The following CAMSAP1 variants were observed in gnomAD, a reference collection of about 807,000 sequenced individuals.
CAMSAP1 encodes the protein calmodulin-regulated spectrin-associated protein 1.
A neutral mutation model predicts 143.5 loss-of-function variants in CAMSAP1; 58 were observed. The ratio of observed to expected loss-of-function variants is 0.40; its 90% CI spans 0.33 to 0.50. CAMSAP1 has a LOEUF of 0.50. Among genes scored for constraint, CAMSAP1 ranks in the 20% least tolerant of loss-of-function variants. CAMSAP1 has a pLI of 0.45. For missense variants in CAMSAP1, 1,969 were observed against 2,115.7 expected, an observed-to-expected ratio of 0.93 and a Z score of 1.36; for synonymous variants, 945 against 859.3, an observed-to-expected ratio of 1.10 and a Z score of -1.74.
intron 7 of CAMSAP1, among the ~76,000 whole-genome samples, chr9:135,829,813 A>C (rs1474724491): frequency 6.6e-6 from 1 of 152,040 alleles, no homozygotes; most frequent in East Asian, 1.9e-4. Flanking sequence ...AGATTGTGCC[A>C]CTGCACTCCA....
At chr9:135,827,318 A>G (rs1835709463) in intron 8 of CAMSAP1, 89 bp downstream of exon 8, 1 of 1,282,182 alleles carries the variant, frequency 7.8e-7, no homozygotes, top group Non-Finnish European at 1.0e-6. Context: ...GCTTATTTTA[A>G]AAAAGGTAAC....
chr9:135,875,128 C>A (rs1193696842), intron 3 of CAMSAP1, among the ~76,000 whole-genome samples: 1 of 152,148 alleles, frequency 6.6e-6, no homozygotes, highest in African/African-American at 2.4e-5. Flanking sequence ...CAATCAAAAT[C>A]CCAGCAAGTA....
In CAMSAP1 at chr9:135,885,572, G is replaced by A. The variant is rs185161792; in HGVS notation, c.161-2494C>T. Among the ~76,000 whole-genome samples the A allele has an allele frequency of 6.2e-4, 94 of 152,320 alleles. No homozygotes were observed. The Middle Eastern group carries it at 0.024, about 39-fold the overall frequency. On this transcript the variant is annotated intron_variant, in intron 1 of 16. Transcript: ENST00000389532. The stretch of plus-strand genomic sequence containing the variant: ...GAATGGCAGAGCCTACCTCACAGAT[G>A]CAGAAACCTGGCCAGACAGGAAAAA...
Position 135,821,373 on chromosome 9 carries a change from G to A in CAMSAP1, c.3288C>T (p.Gly1096=), listed in dbSNP as rs1336191065. The change falls in exon 11 of 17, where the codon GGC becomes GGT. Residue 1096 remains glycine (G), a synonymous_variant. Coordinates refer to ENST00000389532, the MANE Select transcript of CAMSAP1 (RefSeq NM_015447.4). The surrounding 1 kb of genome is among the most constrained non-coding windows in gnomAD (Gnocchi z 4.6). ...GHRKAPRLGQ[G]RNSRSGRPAE... Reference sequence around the variant, plus strand: ...CCGGCCTTCCGGAACGGGAATTCCGGCCTTGACCCAGCCGGGGGGCTTTGC... The same window carrying A: ...CCGGCCTTCCGGAACGGGAATTCCGACCTTGACCCAGCCGGGGGGCTTTGC... The A allele has an allele frequency of 1.9e-6, 3 of 1,613,698 alleles. No homozygotes were observed. The highest frequency in any genetic ancestry group is 3.3e-5 in the Admixed American group (2 of 60,006).
chr9:135,814,925 C>T (rs537627082), intron 16 of CAMSAP1, among the ~76,000 whole-genome samples, 172 bp downstream of exon 16: 27 of 152,370 alleles, frequency 1.8e-4, no homozygotes, highest in African/African-American at 5.3e-4. Flanking sequence ...AGCCCCTGGA[C>T]CTTGGCACTC....
intron 3 of CAMSAP1, among the ~76,000 whole-genome samples, chr9:135,873,027 G>A (rs138649399): frequency 1.3e-5 from 2 of 152,276 alleles, no homozygotes; most frequent in African/African-American, 4.8e-5. Flanking sequence ...CCTTCAAACA[G>A]CAGAATATTC....
chr9:135,861,733 C>A (rs1039489398), intron 5 of CAMSAP1, among the ~76,000 whole-genome samples: 2 of 152,242 alleles, frequency 1.3e-5, no homozygotes, highest in African/African-American at 4.8e-5. Flanking sequence ...AAGTCTGACA[C>A]AAATGTTTCC....
intron 3 of CAMSAP1, among the ~76,000 whole-genome samples, chr9:135,866,898 G>A (rs1317861293): frequency 6.6e-6 from 1 of 152,130 alleles, no homozygotes; most frequent in Admixed American, 6.6e-5. Flanking sequence ...AAAACAATCT[G>A]GTGGAGACAC....
chr9:135,826,012 A>G lies in CAMSAP1; in HGVS notation c.1224-1132T>C, dbSNP rs1346791048. The G allele has an allele frequency of 6.6e-6, 1 of 152,484 alleles. No individual in the cohort carries two copies. Among genetic ancestry groups the G allele is most frequent in the African/African-American group, 2.4e-5 (1 of 41,586 alleles). The allele number at this position is 152,484 out of a possible 1,614,324, so 9.4% of individuals were successfully genotyped here. ...GTCAGGGCCACAATGCAAACCCTGC[A>G]GCCTGGACACCGTGGGGACAGTGGA... On this transcript the variant is annotated intron_variant, in intron 8 of 16. Coordinates refer to ENST00000389532, the MANE Select transcript of CAMSAP1 (RefSeq NM_015447.4). This position sits in a 1 kb window ranked among gnomAD's most constrained non-coding sequence, Gnocchi z 4.4.
intron 16 of CAMSAP1, among the ~76,000 whole-genome samples, chr9:135,812,515 G>T (rs920225675): frequency 3.3e-5 from 5 of 151,818 alleles, no homozygotes; most frequent in Non-Finnish European, 7.4e-5. Context: ...GGAAGACTTA[G>T]GGGGGTGACT....
chr9:135,825,736 A>G lies in CAMSAP1; in HGVS notation c.1224-856T>C, dbSNP rs560826177. 2.0e-4 allele frequency among the ~76,000 whole-genome samples: 30 copies of G among 152,128 alleles called. No homozygotes were observed. The South Asian group carries it at 5.8e-3, about 30-fold the overall frequency. On this transcript the variant is annotated intron_variant, in intron 8 of 16. Coordinates refer to ENST00000389532, the MANE Select transcript of CAMSAP1 (RefSeq NM_015447.4). ...ACTTTGGGGAGAATTTGGTAAAGGGATAATTCGCCAGGTGCAGACAGGCTG... is the reference window on the plus strand; with the variant it reads ...ACTTTGGGGAGAATTTGGTAAAGGGGTAATTCGCCAGGTGCAGACAGGCTG...
At position 135,862,387 on chromosome 9, in the gene CAMSAP1, A is replaced by C. The variant is rs1191828165; in HGVS notation, c.808+80T>G. The C allele has an allele frequency of 2.2e-6, 3 of 1,357,336 alleles. No homozygotes were observed. The East Asian group carries it at 7.6e-5, about 35-fold the overall frequency. The allele number at this position is 1,357,336 out of a possible 1,614,324, so 84.1% of individuals were successfully genotyped here. A position where few individuals can be genotyped will look rare whatever the true frequency, so the allele number is the denominator to read the frequency against. ...ATTTTCTTTCTCTTTTTTTTTTTTA[A>C]TATATATGTGGATCAATGTACACTA... On this transcript the variant is annotated intron_variant, in intron 5 of 16. Coordinates refer to ENST00000389532, the MANE Select transcript of CAMSAP1 (RefSeq NM_015447.4).
chr9:135,901,070 T>C (rs539540503), intron 1 of CAMSAP1, among the ~76,000 whole-genome samples: 10 of 152,240 alleles, frequency 6.6e-5, no homozygotes, highest in South Asian at 2.1e-4. Context: ...ATCTTTTCTG[T>C]AGTGACAACA....
chr9:135,886,194 G>C (rs905520482), intron 1 of CAMSAP1, among the ~76,000 whole-genome samples: 2 of 152,152 alleles, frequency 1.3e-5, no homozygotes, highest in Non-Finnish European at 2.9e-5. Flanking sequence ...ATGTGAGCCA[G>C]AAAATGTACA....
Position 135,819,058 on chromosome 9 carries a change from C to A in CAMSAP1, c.3911G>T (p.Arg1304Leu). 6.2e-7 allele frequency: 1 copy of A among 1,605,868 alleles called. No individual in the cohort carries two copies. Among genetic ancestry groups the A allele is most frequent in the Non-Finnish European group, 8.5e-7 (1 of 1,178,006 alleles). Residue 1304 changes from arginine (R) to leucine (L), a missense_variant, in exon 12 of 17, where the codon CGC (arginine) becomes CTC (leucine). Physicochemically the swap from Arg to Leu is moderately radical, Grantham distance 102. This residue lies in a region of CAMSAP1 where 1,390 missense variants were observed against 1,420.8 expected (regional missense o/e 0.98). Transcript: ENST00000389532. The stretch of plus-strand genomic sequence containing the variant: ...CACCTCCGCTTCCAGCTGCTGCTTG[C>A]GCACGCGGGCCTCCTCGGCCTTGCG... The part of the protein sequence containing the change: ...QQRKAEEARV[R>L]KQQLEAEVEL...
At chr9:135,875,822 C>CA (rs1378670090) in intron 3 of CAMSAP1, among the ~76,000 whole-genome samples, 1 of 151,856 alleles carries the variant, frequency 6.6e-6, no homozygotes, top group Admixed American at 6.6e-5. Flanking sequence ...AGAGCTAAAA[C>CA]AAAAAAACGT....
intron 7 of CAMSAP1, among the ~76,000 whole-genome samples, chr9:135,834,735 G>A (rs73559407): frequency 0.036 from 5,538 of 152,232 alleles, 313 homozygotes; most frequent in African/African-American, 0.12. Flanking sequence ...TATGTTGTCC[G>A]TTTGAGATCT....
chr9:135,852,359 T>C (rs545744824), intron 5 of CAMSAP1, among the ~76,000 whole-genome samples: 17 of 152,368 alleles, frequency 1.1e-4, no homozygotes, highest in African/African-American at 4.1e-4. Context: ...TATGGTTACA[T>C]TTAACAATCT....
intron 3 of CAMSAP1, among the ~76,000 whole-genome samples, chr9:135,880,734 A>G (rs1167441168): frequency 6.6e-6 from 1 of 152,196 alleles, no homozygotes; most frequent in Non-Finnish European, 1.5e-5. Flanking sequence ...GCGCTAATAC[A>G]GCCTCACATG....
Sources: allele counts gnomAD v4.1 joint callset (sites outside exome capture counted in the v4.1 genomes callset), GRCh38; gene constraint gnomAD v4.1.1; regional missense constraint gnomAD v4.1.1; non-coding constraint Gnocchi (gnomAD v3.1); transcripts MANE v1.5; gene names NCBI Gene and HGNC (gene_info 2026-07-23, HGNC 2026-07-21).